Variants in CD1B observed in about 807,000 individuals in gnomAD.
CD1B encodes the protein T-cell surface glycoprotein CD1b.
A neutral mutation model predicts 39.8 loss-of-function variants in CD1B; 43 were observed. The ratio of observed to expected loss-of-function variants is 1.08; its 90% CI spans 0.85 to 1.39. CD1B has a LOEUF of 1.39. Among genes scored for constraint, CD1B ranks in the 40% most tolerant of loss-of-function variants. The pLI is 0.00. For missense variants in CD1B, 495 were observed against 403.8 expected, an observed-to-expected ratio of 1.23 and a Z score of -1.94; for synonymous variants, 192 against 152.5, an observed-to-expected ratio of 1.26 and a Z score of -1.91.
the CD1B span, among the ~76,000 whole-genome samples, chr1:158,311,422 C>G: frequency 6.6e-6 from 1 of 152,048 alleles, no homozygotes; most frequent in Non-Finnish European, 1.5e-5. Flanking sequence ...TATTCTGGAT[C>G]TTAATCCCTT....
chr1:158,294,779 C>G, the CD1B span, among the ~76,000 whole-genome samples: 2 of 152,150 alleles, frequency 1.3e-5, no homozygotes, highest in Non-Finnish European at 2.9e-5. Context: ...TTGGTATTGC[C>G]TTTTATTTTT....
the CD1B span, among the ~76,000 whole-genome samples, chr1:158,285,726 A>G: frequency 3.9e-5 from 6 of 152,162 alleles, no homozygotes; most frequent in African/African-American, 1.4e-4. Flanking sequence ...AGTAAGTGGT[A>G]AATCTAGGAG....
chr1:158,293,337 T>C, the CD1B span: 1 of 1,597,186 alleles, frequency 6.3e-7, no homozygotes, highest in Admixed American at 1.7e-5. Context: ...TCCTCCCAGT[T>C]TCTTATTTCA....
chr1:158,290,128 A>C, the CD1B span: 5 of 1,613,430 alleles, frequency 3.1e-6, no homozygotes, highest in Non-Finnish European at 4.2e-6. Flanking sequence ...TGCAGACGGT[A>C]AGAACATCGC....
chr1:158,314,355 T>G, the CD1B span, among the ~76,000 whole-genome samples: 1 of 152,202 alleles, frequency 6.6e-6, no homozygotes, highest in Non-Finnish European at 1.5e-5. Context: ...GTGCTGGGAT[T>G]AAGTGGTGAG....
At chr1:158,293,607 TA>T in the CD1B span, 2 of 1,604,456 alleles carry the variant, frequency 1.2e-6, no homozygotes, top group African/African-American at 1.3e-5. Flanking sequence ...CATTTGTTAA[TA>T]AAAACCAAAT....
At chr1:158,315,353 C>A in the CD1B span, among the ~76,000 whole-genome samples, 2 of 151,662 alleles carry the variant, frequency 1.3e-5, no homozygotes, top group African/African-American at 4.8e-5. Context: ...GCCATTCTAA[C>A]TGGTGTGAGA....
At chr1:158,318,819 G>A in the CD1B span, among the ~76,000 whole-genome samples, 126 of 152,250 alleles carry the variant, frequency 8.3e-4, no homozygotes, top group Middle Eastern at 3.4e-3. Context: ...TCCTTTCCAT[G>A]TTTAGCGCTT....
rs771407786 is a variant in CD1B, at chr1:158,328,245, A to G, written c.993T>C (p.Asn331=). The G allele has an allele frequency of 1.2e-6, 2 of 1,612,460 alleles. No individual in the cohort carries two copies. Among genetic ancestry groups the G allele is most frequent in the South Asian group, 2.2e-5 (2 of 90,990 alleles). ...LWYMRRRSYQ[N]IP is the part of the protein sequence containing the mutation. ...GAGACATGATGATGGCTCATGGGAT[A>G]TTCTGATATGACCTGTTAAAAACAG... Residue 331 remains asparagine, a synonymous_variant, in exon 6 of 6, where the codon AAT becomes AAC. Transcript: ENST00000368168.
At chr1:158,297,960 A>AT in the CD1B span, among the ~76,000 whole-genome samples, 62 of 151,520 alleles carry the variant, frequency 4.1e-4, 1 homozygote, top group African/African-American at 1.3e-3. Context: ...AAAAAAAAAA[A>AT]AAATAAACAA....
the CD1B span, among the ~76,000 whole-genome samples, chr1:158,303,538 A>G: frequency 1.3e-5 from 2 of 152,336 alleles, no homozygotes; most frequent in East Asian, 3.9e-4. Flanking sequence ...GTCTCTGTGC[A>G]AAGGGTTCTA....
the CD1B span, among the ~76,000 whole-genome samples, chr1:158,290,400 G>T: frequency 6.6e-6 from 1 of 152,156 alleles, no homozygotes; most frequent in Non-Finnish European, 1.5e-5. Flanking sequence ...CCAGGAAAAT[G>T]ATGTGGTTTC....
the CD1B span, chr1:158,293,503 T>C: frequency 6.2e-7 from 1 of 1,614,140 alleles, no homozygotes. Context: ...TCCCCCATTG[T>C]GTTAAGAACC....
the CD1B span, among the ~76,000 whole-genome samples, chr1:158,309,722 A>T: frequency 6.6e-6 from 1 of 151,362 alleles, no homozygotes; most frequent in Non-Finnish European, 1.5e-5. Flanking sequence ...TCAGCAAACT[A>T]TTGCAAGGAC....
the CD1B span, among the ~76,000 whole-genome samples, chr1:158,310,450 T>A: frequency 0.015 from 2,212 of 152,142 alleles, 54 homozygotes; most frequent in African/African-American, 0.048. Context: ...AACTGCAATG[T>A]AAACAAAAAT....
the CD1B span, among the ~76,000 whole-genome samples, chr1:158,287,592 C>T: frequency 3.9e-5 from 6 of 152,052 alleles, no homozygotes; most frequent in Admixed American, 2.6e-4. Context: ...ACTTGGATTA[C>T]ACACTTAAAG....
chr1:158,313,081 C>G, the CD1B span, among the ~76,000 whole-genome samples: 1 of 151,914 alleles, frequency 6.6e-6, no homozygotes, highest in South Asian at 2.1e-4. Flanking sequence ...CTATCAAATG[C>G]TTTCTCTGTT....
At chr1:158,308,937 T>C in the CD1B span, among the ~76,000 whole-genome samples, 417 of 152,254 alleles carry the variant, frequency 2.7e-3, 1 homozygote, top group Non-Finnish European at 3.9e-3. Context: ...ACTTCATGTC[T>C]AAAACACCAA....
downstream of CD1B, among the ~76,000 whole-genome samples, chr1:158,325,471 A>G (rs1652318605): frequency 6.6e-6 from 1 of 152,242 alleles, no homozygotes; most frequent in African/African-American, 2.4e-5. Flanking sequence ...GCAGCTGTAA[A>G]GCCACGCTTC....
Sources: allele counts gnomAD v4.1 joint callset (sites outside exome capture counted in the v4.1 genomes callset), GRCh38; gene constraint gnomAD v4.1.1; transcripts MANE v1.5; gene names NCBI Gene and HGNC (gene_info 2026-07-23, HGNC 2026-07-21).